The following LRMDA variants were observed in gnomAD, a reference collection of about 807,000 sequenced individuals.
LRMDA encodes leucine rich melanocyte differentiation associated, also known as leucine-rich melanocyte differentiation-associated protein.
In LRMDA, 18 loss-of-function variants were observed where a neutral mutation model predicts 29.8. The observed-to-expected ratio is 0.60, with a 90% CI of 0.42 to 0.90. The LOEUF (loss-of-function observed/expected upper bound fraction) is 0.90, where lower values mean the gene tolerates loss of function less well. Ranked by LOEUF, LRMDA falls within the 40% of genes least tolerant of loss-of-function variation. The pLI, the probability that LRMDA is intolerant of heterozygous loss-of-function variation, is 0.00. For synonymous variants in LRMDA, 125 were observed against 109.4 expected, an observed-to-expected ratio of 1.14 and a Z score of -0.89; for missense variants, 273 against 273.9, an observed-to-expected ratio of 1.00 and a Z score of 0.02.
At chr10:76,015,431 G>A (rs1680717405) in intron 2 of LRMDA, among the ~76,000 whole-genome samples, 1 of 152,216 alleles carries the variant, frequency 6.6e-6, no homozygotes, top group African/African-American at 2.4e-5. Flanking sequence ...GCAGTTGGTT[G>A]GAGACCTACC....
chr10:76,052,826 A>G lies in LRMDA; in HGVS notation c.398+5523A>G. Reference sequence around the variant, plus strand: ...TCAGCCAAGAGCACCTCTGACTCTCACCCCCACCCCTCACCACCCCCAGCC... The same window carrying G: ...TCAGCCAAGAGCACCTCTGACTCTCGCCCCCACCCCTCACCACCCCCAGCC... On this transcript the variant is annotated intron_variant, in intron 4 of 6. Coordinates refer to ENST00000611255, the MANE Select transcript of LRMDA (RefSeq NM_001305581.2). Among the ~76,000 whole-genome samples, 2 of 151,212 alleles carry G rather than the reference A, an allele frequency of 1.3e-5. 1 individual carries two copies.
At chr10:75,558,444 G>T (rs1404933361) in intron 2 of LRMDA, among the ~76,000 whole-genome samples, 1 of 152,102 alleles carries the variant, frequency 6.6e-6, no homozygotes, top group Non-Finnish European at 1.5e-5. Flanking sequence ...TTCAGTCATT[G>T]ATTCAGTCAT....
chr10:75,926,057 G>A (rs142254251), intron 2 of LRMDA, among the ~76,000 whole-genome samples: 3 of 152,324 alleles, frequency 2.0e-5, no homozygotes, highest in Non-Finnish European at 2.9e-5. Flanking sequence ...TTCAAATTCA[G>A]GTAGTCTGGT....
rs568723496 is a variant in LRMDA at position 75,971,288 on chromosome 10, G to T, written c.132-64720G>T. On this transcript the variant is annotated intron_variant, in intron 2 of 6. Transcript: ENST00000611255. ...GCTATAGACAGCCTCCCCGTCTGCT[G>T]TTTTCCCTTCTCTCCTCTCGCAGCA... is the stretch of plus-strand genomic sequence containing the variant. Among the ~76,000 whole-genome samples the T allele has an allele frequency of 2.6e-5, 4 of 152,270 alleles. No homozygotes were observed. In the Middle Eastern group the frequency reaches 0.014, roughly 518 times the overall value.
intron 2 of LRMDA, among the ~76,000 whole-genome samples, chr10:75,440,629 T>C (rs1844315416): frequency 6.6e-6 from 1 of 152,144 alleles, no homozygotes; most frequent in Non-Finnish European, 1.5e-5. Context: ...ACACTATTTC[T>C]CTTGGGTGTT....
Position 75,732,062 on chromosome 10 carries a change from T to C in LRMDA, c.131+293568T>C, listed in dbSNP as rs114315080. 6.5e-3 allele frequency among the ~76,000 whole-genome samples: 985 copies of C among 152,330 alleles called. 15 individuals are homozygous for C. Among genetic ancestry groups the C allele is most frequent in the African/African-American group, 0.022 (933 of 41,562 alleles). ...TAGAGGGAATATTATTTAAGTTTTT[T>C]CCCCTAACACTTTTACGTTACCTAT... is the stretch of plus-strand genomic sequence containing the variant. On this transcript the variant is annotated intron_variant, in intron 2 of 6. Transcript: ENST00000611255.
At chr10:75,990,328 C>T (rs184078532) in intron 2 of LRMDA, among the ~76,000 whole-genome samples, 219 of 152,252 alleles carry the variant, frequency 1.4e-3, no homozygotes, top group Admixed American at 2.9e-3. Flanking sequence ...AAAAATGGGC[C>T]TCCAGAATTT....
At chr10:76,272,326 A>G (rs1007881055) in intron 5 of LRMDA, among the ~76,000 whole-genome samples, 1 of 152,196 alleles carries the variant, frequency 6.6e-6, no homozygotes, top group Non-Finnish European at 1.5e-5. Context: ...TGTATGGGGC[A>G]TTGCTCTCAC....
At chr10:76,279,810 TA>T (rs1023067144) in intron 5 of LRMDA, among the ~76,000 whole-genome samples, 151 of 152,332 alleles carry the variant, frequency 9.9e-4, no homozygotes, top group African/African-American at 3.2e-3. Context: ...GGCATTGTTT[TA>T]AAATGTTACA....
intron 5 of LRMDA, among the ~76,000 whole-genome samples, chr10:76,109,886 T>C (rs1220619487): frequency 1.3e-5 from 2 of 152,130 alleles, no homozygotes; most frequent in Non-Finnish European, 2.9e-5. Context: ...CATCACCATC[T>C]CTGTACAGGC....
chr10:76,145,656 A>G (rs1850301540), intron 5 of LRMDA, among the ~76,000 whole-genome samples: 1 of 151,738 alleles, frequency 6.6e-6, no homozygotes, highest in African/African-American at 2.4e-5. Flanking sequence ...TGGATTCATT[A>G]ATTTTTTGAA....
chr10:75,925,791 T>TACGG (rs1044007192), intron 2 of LRMDA, among the ~76,000 whole-genome samples: 2 of 152,120 alleles, frequency 1.3e-5, no homozygotes, highest in African/African-American at 4.8e-5. Context: ...TAGCTGGGAT[T>TACGG]ACGGGTGCCT....
At chr10:76,199,310 A>G (rs1471339583) in intron 5 of LRMDA, among the ~76,000 whole-genome samples, 1 of 152,188 alleles carries the variant, frequency 6.6e-6, no homozygotes, top group Non-Finnish European at 1.5e-5. Flanking sequence ...GAGTGATACC[A>G]TGGATTTCAT....
chr10:75,849,362 C>T (rs1313971889), intron 2 of LRMDA, among the ~76,000 whole-genome samples: 2 of 141,670 alleles, frequency 1.4e-5, no homozygotes, highest in African/African-American at 5.1e-5. Flanking sequence ...CCCAAGTGTC[C>T]ATCAATGATA....
intron 2 of LRMDA, among the ~76,000 whole-genome samples, chr10:75,723,942 A>G (rs1842600177): frequency 6.6e-6 from 1 of 152,200 alleles, no homozygotes; most frequent in Non-Finnish European, 1.5e-5. Flanking sequence ...CCAGCAATTT[A>G]TTATTTGTAT....
chr10:76,185,828 A>G (rs532589353), intron 5 of LRMDA, among the ~76,000 whole-genome samples: 2 of 152,280 alleles, frequency 1.3e-5, no homozygotes, highest in South Asian at 4.1e-4. Flanking sequence ...ACAATAAAGT[A>G]TGGCTTGTTG....
intron 5 of LRMDA, among the ~76,000 whole-genome samples, chr10:76,093,242 T>G (rs1849259498): frequency 6.6e-6 from 1 of 151,920 alleles, no homozygotes; most frequent in Non-Finnish European, 1.5e-5. Context: ...TTCACCATGT[T>G]GGCCGGGCTG....
chr10:76,392,678 AT>A (rs549146537), intron 6 of LRMDA, among the ~76,000 whole-genome samples: 3,366 of 151,164 alleles, frequency 0.022, 82 homozygotes, highest in African/African-American at 0.062. Context: ...ATAGTTTATT[AT>A]TTTTTTTTGT....
At chr10:76,536,021 C>A (rs1227814071) in intron 6 of LRMDA, 9 of 152,192 alleles carry the variant, frequency 5.9e-5, no homozygotes, top group Admixed American at 5.9e-4. Context: ...AGGTGATCCA[C>A]CTGCCTTGGC....
Sources: gnomAD v4.1 joint callset for allele counts (sites outside exome capture counted in the v4.1 genomes callset) on GRCh38, gnomAD v4.1.1 for gene constraint, MANE v1.5 for transcripts, NCBI Gene and HGNC (gene_info 2026-07-23, HGNC 2026-07-21) for gene names.